The following TRIP10 variants were observed in gnomAD, a reference collection of about 807,000 sequenced individuals.
TRIP10 encodes the protein thyroid hormone receptor interactor 10, also known as cdc42-interacting protein 4.
In TRIP10, 54 loss-of-function variants were observed where a neutral mutation model predicts 80.9. The observed-to-expected ratio is 0.67, with a 90% CI of 0.54 to 0.84. TRIP10 has a LOEUF of 0.84. Among genes scored for constraint, TRIP10 ranks in the 40% least tolerant of loss-of-function variants. TRIP10 has a pLI of 0.00. For missense variants in TRIP10, 773 were observed against 815.3 expected (o/e 0.95, Z 0.63); for synonymous variants, 321 against 307.2 (o/e 1.04, Z -0.47).
chr19:6,742,928 G>T, intron 3 of TRIP10, 39 bp from the exon 4 acceptor site: 1 of 1,608,514 alleles, frequency 6.2e-7, no homozygotes, highest in African/African-American at 1.3e-5. Context: ...CGGGAGGAGG[G>T]GCCTGACTCC....
At position 6,750,638 on chromosome 19, in the gene TRIP10, G is replaced by T; in HGVS notation, c.1657+5G>T. The T allele has an allele frequency of 1.2e-6, 2 of 1,613,880 alleles. No individual in the cohort carries two copies. Among genetic ancestry groups the T allele is most frequent in the Non-Finnish European group, 1.7e-6 (2 of 1,179,854 alleles). Reference sequence around the variant, plus strand: ...TGGCCATCTACCACTTTGAAGGTGAGAACGGCCAGAGTGGGCTTGGCGGGG... The same window carrying T: ...TGGCCATCTACCACTTTGAAGGTGATAACGGCCAGAGTGGGCTTGGCGGGG... On this transcript the variant is annotated splice_donor_5th_base_variant and intron_variant, in intron 14 of 14. Coordinates refer to ENST00000313244, the MANE Select transcript of TRIP10 (RefSeq NM_001288962.2).
rs1336796730 is a variant in TRIP10, at chr19:6,746,630, GTTTA to G, written c.1262+72_1262+75del. On this transcript the variant is annotated intron_variant, in intron 11 of 14. Transcript: ENST00000313244. This position sits in a 1 kb window ranked among gnomAD's most constrained non-coding sequence, Gnocchi z 6.2. The stretch of plus-strand genomic sequence containing the variant: ...AATAGTAAATGAACTTCACTTATTT[GTTTA>G]TTATTTTATTTTATTTATTTTATTA... The G allele has an allele frequency of 9.1e-7, 1 of 1,102,142 alleles. No individual in the cohort carries two copies. Among genetic ancestry groups the G allele is most frequent in the African/African-American group, 1.6e-5 (1 of 62,028 alleles). The allele number at this position is 1,102,142 out of a possible 1,614,324, so 68.3% of individuals were successfully genotyped here. A position where few individuals can be genotyped will look rare whatever the true frequency, so the allele number is the denominator to read the frequency against.
intron 14 of TRIP10, 28 bp downstream of exon 14, chr19:6,750,661 G>C: frequency 1.2e-6 from 2 of 1,612,168 alleles, no homozygotes; most frequent in Non-Finnish European, 1.7e-6. Context: ...GGGCTTGGCG[G>C]GGTATGGGAG....
At chr19:6,740,834 G>A (rs1176669911) in intron 1 of TRIP10, 176 bp from the exon 2 acceptor site, 3 of 590,694 alleles carry the variant, frequency 5.1e-6, no homozygotes, top group Admixed American at 3.1e-5. Context: ...GAAGGGGAGG[G>A]GGTTCCCGCC....
At chr19:6,741,335 G>A in intron 3 of TRIP10, 54 bp downstream of exon 3, 1 of 1,560,886 alleles carries the variant, frequency 6.4e-7, no homozygotes, top group South Asian at 1.2e-5. Flanking sequence ...GCGGTGCTTG[G>A]GTCTCACTTC....
At chr19:6,747,428 T>G (rs1969168204) in intron 11 of TRIP10, among the ~76,000 whole-genome samples, 1 of 152,204 alleles carries the variant, frequency 6.6e-6, no homozygotes, top group Non-Finnish European at 1.5e-5. Context: ...GAATCCTGAT[T>G]CCCAAATCTG....
At chr19:6,741,167 C>G in intron 2 of TRIP10, 42 bp downstream of exon 2, 1 of 1,613,594 alleles carries the variant, frequency 6.2e-7, no homozygotes, top group South Asian at 1.1e-5. Flanking sequence ...GCGCCTGGGG[C>G]GACGGGGAGC....
Position 6,744,216 on chromosome 19 carries a change from T to G in TRIP10, c.643-338T>G, listed in dbSNP as rs1969025609. Among the ~76,000 whole-genome samples the G allele has an allele frequency of 6.6e-6, 1 of 152,178 alleles. No homozygotes were observed. Among genetic ancestry groups the G allele is most frequent in the East Asian group, 1.9e-4 (1 of 5,190 alleles). ...TCTGAAAGGTCTCGAATTTCCCCTC[T>G]CCTGTTTCAATCTAGCGCTCCACTC... On this transcript the variant is annotated intron_variant, in intron 7 of 14. Transcript: ENST00000313244. The surrounding 1 kb of genome is among the most constrained non-coding windows in gnomAD (Gnocchi z 4.9).
intron 1 of TRIP10, 159 bp from the exon 2 acceptor site, chr19:6,740,851 C>T: frequency 1.6e-6 from 1 of 617,872 alleles, no homozygotes; most frequent in Non-Finnish European, 2.8e-6. Context: ...CGCCAGTTTC[C>T]TGCCTCCCCC....
intron 11 of TRIP10, among the ~76,000 whole-genome samples, chr19:6,749,474 G>A (rs369321917): frequency 3.9e-5 from 6 of 151,948 alleles, no homozygotes; most frequent in Non-Finnish European, 7.3e-5. Context: ...ACTGAGATTC[G>A]AACCCAGGCA....
chr19:6,744,687 T>G lies in TRIP10; in HGVS notation c.776T>G (p.Val259Gly). 6.2e-7 allele frequency: 1 copy of G among 1,603,558 alleles called. No homozygotes were observed. Among genetic ancestry groups the G allele is most frequent in the Non-Finnish European group, 8.5e-7 (1 of 1,173,970 alleles). The change falls in exon 8 of 15, where the codon GTG becomes GGG. Residue 259 changes from valine (V) to glycine (G), a missense_variant. By Grantham distance (109) the Val-to-Gly change is moderately radical (BLOSUM62 -3). Coordinates refer to ENST00000313244, the MANE Select transcript of TRIP10 (RefSeq NM_001288962.2). This position sits in a 1 kb window ranked among gnomAD's most constrained non-coding sequence, Gnocchi z 4.9. ...LEGMKVAANA[V>G]DPKNDSHVLI... The stretch of plus-strand genomic sequence containing the variant: ...GGCATGAAGGTGGCTGCAAATGCTG[T>G]GGATCCCAAGAACGTGGGTGCCTGG...
chr19:6,740,972 G>C, intron 1 of TRIP10, 38 bp from the exon 2 acceptor site: 1 of 1,580,026 alleles, frequency 6.3e-7, no homozygotes, highest in African/African-American at 1.3e-5. Context: ...CGTGACCCCG[G>C]CCCCTCTCCC....
rs140217591 is a variant in TRIP10 at position 6,743,380 on chromosome 19, C to T, written c.409-114C>T. On this transcript the variant is annotated intron_variant, in intron 5 of 14. Transcript: ENST00000313244. Reference sequence around the variant, plus strand: ...TTCCCTCCCCCATAGGCTTCCAGTACTCCCTTGACCCCTACTTACTGGATG... The same window carrying T: ...TTCCCTCCCCCATAGGCTTCCAGTATTCCCTTGACCCCTACTTACTGGATG... The T allele has an allele frequency of 7.6e-4, 1,155 of 1,510,378 alleles. 11 individuals are homozygous for T. The African/African-American group carries it at 0.013, about 18-fold the overall frequency. The allele number at this position is 1,510,378 out of a possible 1,614,324, so 93.6% of individuals were successfully genotyped here.
chr19:6,741,191 C>T (rs369401754), intron 2 of TRIP10, 34 bp from the exon 3 acceptor site: 150 of 1,611,994 alleles, frequency 9.3e-5, no homozygotes, highest in Non-Finnish European at 1.2e-4. Flanking sequence ...GGGAGGGCTG[C>T]GGGCTCAGCC....
intron 14 of TRIP10, 27 bp downstream of exon 14, chr19:6,750,660 G>C (rs747430587): frequency 1.9e-6 from 3 of 1,612,494 alleles, no homozygotes; most frequent in Non-Finnish European, 8.5e-7. Context: ...TGGGCTTGGC[G>C]GGGTATGGGA....
At chr19:6,740,792 G>C (rs1968891630) in intron 1 of TRIP10, 2 of 551,282 alleles carry the variant, frequency 3.6e-6, no homozygotes, top group South Asian at 4.5e-5. Context: ...GGGGTGGCTG[G>C]GGCCTGGGCG....
chr19:6,743,967 A>T (rs1969015235), intron 7 of TRIP10, 131 bp downstream of exon 7: 1 of 1,233,532 alleles, frequency 8.1e-7, no homozygotes, highest in Non-Finnish European at 1.1e-6. Context: ...AACCTATAGT[A>T]ACAGTGAGCT....
rs558872706 is a variant in TRIP10, at chr19:6,745,447, T to A, written c.984+453T>A. ...TTTATACTTTGGGTCCCTCTTCACTTACACTCTCATACCTCTCCTTGACTT... is the reference window on the plus strand; with the variant it reads ...TTTATACTTTGGGTCCCTCTTCACTAACACTCTCATACCTCTCCTTGACTT... On this transcript the variant is annotated intron_variant, in intron 9 of 14. Transcript: ENST00000313244. This position sits in a 1 kb window ranked among gnomAD's most constrained non-coding sequence, Gnocchi z 7.2. Among the ~76,000 whole-genome samples, 1 of 152,144 alleles carries A rather than the reference T, an allele frequency of 6.6e-6. No individual in the cohort carries two copies. Among genetic ancestry groups the A allele is most frequent in the Non-Finnish European group, 1.5e-5 (1 of 68,014 alleles).
chr19:6,746,009 T>TC lies in TRIP10; in HGVS notation c.985-16dup. On this transcript the variant is annotated intron_variant, in intron 9 of 14. Coordinates refer to ENST00000313244, the MANE Select transcript of TRIP10 (RefSeq NM_001288962.2). This position sits in a 1 kb window ranked among gnomAD's most constrained non-coding sequence, Gnocchi z 6.2. ...CCCCCACCCCTTCAACCTATCCCCC[T>TC]CCCCGGCCCCCGCCGGTAGCCTCGC... 2 of 250,772 alleles carry TC rather than the reference T, an allele frequency of 8.0e-6. No individual in the cohort carries two copies. The highest frequency in any genetic ancestry group is 4.6e-6 in the Non-Finnish European group (1 of 218,844). The allele number at this position is 250,772 out of a possible 1,614,324, so 15.5% of individuals were successfully genotyped here. A position where few individuals can be genotyped will look rare whatever the true frequency, so the allele number is the denominator to read the frequency against.
Sources: gnomAD v4.1 joint callset for allele counts (sites outside exome capture counted in the v4.1 genomes callset) on GRCh38, gnomAD v4.1.1 for gene constraint, Gnocchi (gnomAD v3.1) non-coding constraint, MANE v1.5 for transcripts, NCBI Gene and HGNC (gene_info 2026-07-23, HGNC 2026-07-21) for gene names.